Variants in MACROD2 observed in about 807,000 individuals in gnomAD.
The protein encoded by MACROD2 is mono-ADP ribosylhydrolase 2, also known as ADP-ribose glycohydrolase MACROD2.
A neutral mutation model predicts 70.4 loss-of-function variants in MACROD2; 36 were observed. The observed-to-expected ratio is 0.51, with a 90% CI of 0.39 to 0.68. The LOEUF (loss-of-function observed/expected upper bound fraction) is 0.68, where lower values mean the gene tolerates loss of function less well. MACROD2 is among the 30% of genes least tolerant of loss of function. MACROD2 has a pLI of 0.00. For synonymous variants in MACROD2, 172 were observed against 178.8 expected (o/e 0.96, Z 0.30); for missense variants, 496 against 538.4 (o/e 0.92, Z 0.78).
chr20:15,077,931 G>T (rs942740097), intron 5 of MACROD2, among the ~76,000 whole-genome samples: 1 of 152,072 alleles, frequency 6.6e-6, no homozygotes, highest in African/African-American at 2.4e-5. Context: ...GAGCTGGGCT[G>T]GGGGAGGGGG....
At chr20:15,896,200 G>T (rs1322509281) in intron 10 of MACROD2, among the ~76,000 whole-genome samples, 1 of 152,012 alleles carries the variant, frequency 6.6e-6, no homozygotes, top group African/African-American at 2.4e-5. Context: ...GAAGCTCCTG[G>T]TATTTTTATT....
intron 3 of MACROD2, chr20:14,324,699 G>A (rs983347226): frequency 1.3e-5 from 2 of 152,004 alleles, no homozygotes; most frequent in African/African-American, 4.8e-5. Flanking sequence ...CAAAAATCAG[G>A]ATGGTATAGG....
intron 4 of MACROD2, among the ~76,000 whole-genome samples, chr20:14,550,596 G>A (rs968413094): frequency 6.6e-6 from 1 of 152,162 alleles, no homozygotes; most frequent in Non-Finnish European, 1.5e-5. Context: ...AGAACTGTGA[G>A]AAATAAATTT....
intron 5 of MACROD2, among the ~76,000 whole-genome samples, chr20:15,172,067 G>T (rs1426712830): frequency 1.3e-5 from 2 of 152,104 alleles, no homozygotes; most frequent in Non-Finnish European, 2.9e-5. Context: ...TTTCTTAAAA[G>T]ACCTAAGCTC....
intron 12 of MACROD2, among the ~76,000 whole-genome samples, chr20:15,956,227 T>A (rs1453736512): frequency 6.6e-6 from 1 of 152,140 alleles, no homozygotes; most frequent in Non-Finnish European, 1.5e-5. Flanking sequence ...TCTTAAGGAG[T>A]TCTTGCCTGC....
chr20:14,574,482 G>T (rs1600402404), intron 4 of MACROD2, among the ~76,000 whole-genome samples: 1 of 152,008 alleles, frequency 6.6e-6, no homozygotes, highest in Non-Finnish European at 1.5e-5. Context: ...TGGCTGCAGT[G>T]CCTCCTGCTT....
chr20:15,215,250 TTTTGTGTGTGTG>T (rs2076799892), intron 5 of MACROD2, among the ~76,000 whole-genome samples: 1 of 136,034 alleles, frequency 7.4e-6, no homozygotes, highest in African/African-American at 3.0e-5. Flanking sequence ...TTCTCCTGTA[TTTTGTGTGTGTG>T]TGTGTGTGTG....
chr20:15,598,690 A>G (rs2048777770), intron 8 of MACROD2, among the ~76,000 whole-genome samples: 1 of 152,162 alleles, frequency 6.6e-6, no homozygotes, highest in Non-Finnish European at 1.5e-5. Flanking sequence ...TGCCCTTCCT[A>G]TTGCCTTGGG....
At chr20:15,512,935 G>A (rs2047518911) in intron 8 of MACROD2, among the ~76,000 whole-genome samples, 1 of 152,190 alleles carries the variant, frequency 6.6e-6, no homozygotes, top group Non-Finnish European at 1.5e-5. Context: ...AATGACCTGG[G>A]TGGGCTTCAG....
chr20:15,804,192 A>C (rs2063749694), intron 8 of MACROD2, among the ~76,000 whole-genome samples: 1 of 152,198 alleles, frequency 6.6e-6, no homozygotes, highest in Non-Finnish European at 1.5e-5. Flanking sequence ...TAAAGTTGGC[A>C]TTTGATACAT....
At chr20:14,355,689 GAA>G (rs1233389618) in intron 3 of MACROD2, among the ~76,000 whole-genome samples, 2 of 152,200 alleles carry the variant, frequency 1.3e-5, no homozygotes, top group East Asian at 3.9e-4. Flanking sequence ...AAAAAGGAAA[GAA>G]ACTATCAAAA....
chr20:14,002,220 A>G, intron 1 of MACROD2, 68 bp from the exon 2 acceptor site: 1 of 1,025,216 alleles, frequency 9.8e-7, no homozygotes, highest in Non-Finnish European at 1.4e-6. Flanking sequence ...GTTAATACTT[A>G]AAGTATAAAA....
chr20:15,939,061 C>T (rs964423356), intron 12 of MACROD2, among the ~76,000 whole-genome samples: 1 of 152,168 alleles, frequency 6.6e-6, no homozygotes, highest in Non-Finnish European at 1.5e-5. Flanking sequence ...TTAGCAGAGG[C>T]TGATTCATGA....
chr20:14,174,369 G>T (rs1474523521), intron 3 of MACROD2, among the ~76,000 whole-genome samples: 1 of 152,052 alleles, frequency 6.6e-6, no homozygotes, highest in Non-Finnish European at 1.5e-5. Flanking sequence ...TGAGGATTTG[G>T]TTCTCAGGCT....
chr20:14,039,930 A>G (rs566185228), intron 2 of MACROD2, among the ~76,000 whole-genome samples: 3 of 152,284 alleles, frequency 2.0e-5, no homozygotes, highest in African/African-American at 7.2e-5. Flanking sequence ...TCGCTAATCT[A>G]TGTGAACATT....
chr20:15,870,770 G>C (rs2064569193), intron 9 of MACROD2, among the ~76,000 whole-genome samples: 1 of 152,190 alleles, frequency 6.6e-6, no homozygotes, highest in Non-Finnish European at 1.5e-5. Flanking sequence ...GATTAAGACA[G>C]AGAGAATATT....
At chr20:15,877,763 A>C (rs2064696208) in intron 9 of MACROD2, among the ~76,000 whole-genome samples, 1 of 152,126 alleles carries the variant, frequency 6.6e-6, no homozygotes, top group Admixed American at 6.5e-5. Flanking sequence ...TTGGTAATGA[A>C]ATATTAAAAA....
At chr20:15,515,802 T>G (rs971299361) in intron 8 of MACROD2, among the ~76,000 whole-genome samples, 2 of 152,232 alleles carry the variant, frequency 1.3e-5, no homozygotes, top group Non-Finnish European at 2.9e-5. Context: ...CCAGCCCTAG[T>G]GTGCAGAGAT....
intron 8 of MACROD2, among the ~76,000 whole-genome samples, chr20:15,802,766 G>A (rs149612355): frequency 2.7e-4 from 41 of 152,032 alleles, no homozygotes; most frequent in Non-Finnish European, 2.4e-4. Context: ...TAAATAAACT[G>A]CTAGCAAGAC....
Sources: gnomAD v4.1 joint callset for allele counts (sites outside exome capture counted in the v4.1 genomes callset) on GRCh38, gnomAD v4.1.1 for gene constraint, MANE v1.5 for transcripts, NCBI Gene and HGNC (gene_info 2026-07-23, HGNC 2026-07-21) for gene names.